Variants in SNPH observed in about 807,000 individuals in gnomAD.
SNPH encodes the protein syntaphilin.
Under a neutral mutation model 36.8 loss-of-function variants are expected in SNPH, and 10 were observed. That is an observed-to-expected ratio of 0.27 (90% CI 0.17 to 0.46). SNPH has a LOEUF of 0.46. Among genes scored for constraint, SNPH ranks in the 20% least tolerant of loss-of-function variants. SNPH has a pLI of 1.00. For synonymous variants in SNPH, 281 were observed against 312.2 expected (o/e 0.90, Z 1.05); for missense variants, 622 against 744.0 (o/e 0.84, Z 1.91).
intron 5 of SNPH, among the ~76,000 whole-genome samples, chr20:1,298,455 AC>A (rs1163285923): frequency 6.6e-6 from 1 of 152,224 alleles, no homozygotes; most frequent in Non-Finnish European, 1.5e-5. Flanking sequence ...GATGGGTAAC[AC>A]CCATGTGCAG....
In SNPH at chr20:1,266,797, C is replaced by T. The variant is rs1207859086; in HGVS notation, c.-493+37C>T. The T allele has an allele frequency of 7.6e-7, 1 of 1,318,422 alleles. No homozygotes were observed. The highest frequency in any genetic ancestry group is 3.1e-5 in the East Asian group (1 of 31,868). 81.7% of individuals were successfully genotyped at this position (1,318,422 alleles called of 1,614,324 possible). On this transcript the variant is annotated intron_variant, in intron 2 of 6. Transcript: ENST00000381867. The surrounding 1 kb of genome is among the most constrained non-coding windows in gnomAD (Gnocchi z 6.0). Reference sequence around the variant, plus strand: ...GCGGCGGAGCGGGGAGCTGGCCCTGCGCTGCACCGCGGCAGGTGGGGGCCG... The same window carrying T: ...GCGGCGGAGCGGGGAGCTGGCCCTGTGCTGCACCGCGGCAGGTGGGGGCCG...
intron 2 of SNPH, among the ~76,000 whole-genome samples, chr20:1,284,006 G>A (rs1246760362): frequency 4.6e-5 from 7 of 152,132 alleles, no homozygotes; most frequent in South Asian, 2.1e-4. Flanking sequence ...ACCTCCCTTC[G>A]TTGTCATGGC....
intron 2 of SNPH, among the ~76,000 whole-genome samples, chr20:1,291,016 C>G (rs2088354391): frequency 6.6e-6 from 1 of 152,244 alleles, no homozygotes; most frequent in Middle Eastern, 3.2e-3. Context: ...AGAGGAGCCT[C>G]TTCAGGTGAA....
chr20:1,291,928 C>G (rs2088367108), intron 2 of SNPH, among the ~76,000 whole-genome samples: 1 of 152,158 alleles, frequency 6.6e-6, no homozygotes, highest in Non-Finnish European at 1.5e-5. Context: ...TATGTGGAAA[C>G]TGAGACCCGA....
At chr20:1,295,428 G>A (rs2088416972) in intron 3 of SNPH, among the ~76,000 whole-genome samples, 1 of 152,164 alleles carries the variant, frequency 6.6e-6, no homozygotes, top group Non-Finnish European at 1.5e-5. Flanking sequence ...CTCTAGGCAC[G>A]AACGCTTCCT....
At chr20:1,292,781 C>T (rs2088378500) in intron 2 of SNPH, among the ~76,000 whole-genome samples, 1 of 152,224 alleles carries the variant, frequency 6.6e-6, no homozygotes, top group Non-Finnish European at 1.5e-5. Flanking sequence ...CCAGCTGTCA[C>T]TCACTGCCTG....
chr20:1,302,765 C>G (rs1248476836), intron 6 of SNPH, among the ~76,000 whole-genome samples: 1 of 152,248 alleles, frequency 6.6e-6, no homozygotes, highest in East Asian at 1.9e-4. Context: ...ACAGCTCTGC[C>G]AAGCAGCCAA....
chr20:1,291,155 T>C (rs989678166), intron 2 of SNPH, among the ~76,000 whole-genome samples: 1 of 152,172 alleles, frequency 6.6e-6, no homozygotes, highest in Non-Finnish European at 1.5e-5. Flanking sequence ...ACACATCCTG[T>C]GTAGCAGCTG....
intron 6 of SNPH, among the ~76,000 whole-genome samples, chr20:1,302,761 C>G (rs527937822): frequency 6.6e-6 from 1 of 152,382 alleles, no homozygotes; most frequent in South Asian, 2.1e-4. Context: ...GACCACAGCT[C>G]TGCCAAGCAG....
chr20:1,271,106 G>C (rs1431526211), intron 2 of SNPH, among the ~76,000 whole-genome samples: 1 of 152,200 alleles, frequency 6.6e-6, no homozygotes, highest in East Asian at 1.9e-4. Flanking sequence ...TCTGAATTGA[G>C]GGGCTGAGCC....
At chr20:1,277,286 C>G (rs1349542346) in intron 2 of SNPH, among the ~76,000 whole-genome samples, 1 of 152,156 alleles carries the variant, frequency 6.6e-6, no homozygotes, top group Non-Finnish European at 1.5e-5. Context: ...TTTGGTGTCC[C>G]TATCAGATGG....
At chr20:1,275,466 T>C (rs535252998) in intron 2 of SNPH, among the ~76,000 whole-genome samples, 1 of 152,308 alleles carries the variant, frequency 6.6e-6, no homozygotes, top group African/African-American at 2.4e-5. Flanking sequence ...TATGTGACCT[T>C]ATAGCATCTT....
chr20:1,267,272 C>T (rs981735517), intron 2 of SNPH, among the ~76,000 whole-genome samples: 4 of 152,080 alleles, frequency 2.6e-5, no homozygotes, highest in South Asian at 2.1e-4. Flanking sequence ...TCTGAGCCTC[C>T]GTCTCCCCGG....
intron 2 of SNPH, among the ~76,000 whole-genome samples, chr20:1,289,512 T>TACACACACAC (rs56289024): frequency 5.1e-4 from 70 of 137,746 alleles, no homozygotes; most frequent in African/African-American, 1.5e-3. Flanking sequence ...TTCATTTAAA[T>TACACACACAC]ACACACACAC....
At position 1,296,281 on chromosome 20, in the gene SNPH, C is replaced by A; in HGVS notation, c.42C>A (p.Gly14=). The change falls in exon 4 of 7, where the codon GGC becomes GGA. Residue 14 remains glycine, a synonymous_variant. Coordinates refer to ENST00000381867, the MANE Select transcript of SNPH (RefSeq NM_001318234.2). Reference sequence around the variant, plus strand: ...CCAGCGAGAGGATGACGTGGCCTGGCCCGGCCCTTTCTGCGGGCCCCCCAA... The same window carrying A: ...CCAGCGAGAGGATGACGTGGCCTGGACCGGCCCTTTCTGCGGGCCCCCCAA... ...SGPSERMTWP[G]PALSAGPPTR... 1 of 1,568,848 alleles carries A rather than the reference C, an allele frequency of 6.4e-7. No individual in the cohort carries two copies. Among genetic ancestry groups the A allele is most frequent in the Admixed American group, 1.9e-5 (1 of 53,262 alleles).
In SNPH at chr20:1,306,142, T is replaced by G. The variant is rs1006269320; in HGVS notation, c.*88T>G. The stretch of plus-strand genomic sequence containing the variant: ...CCTCCCTTCTCCCATGGGCATCATC[T>G]TATTTATTTAGTTTTGGGTGTGGAA... On this transcript the variant is annotated 3_prime_UTR_variant, in exon 7 of 7. Coordinates refer to ENST00000381867, the MANE Select transcript of SNPH (RefSeq NM_001318234.2). The G allele has an allele frequency of 4.8e-5, 53 of 1,101,562 alleles. No individual in the cohort carries two copies. The highest frequency in any genetic ancestry group is 6.2e-5 in the Non-Finnish European group (51 of 818,762). The allele number at this position is 1,101,562 out of a possible 1,614,324, so 68.2% of individuals were successfully genotyped here.
intron 3 of SNPH, among the ~76,000 whole-genome samples, 184 bp from the exon 4 acceptor site, chr20:1,295,592 G>A (rs752220319): frequency 6.6e-6 from 1 of 152,262 alleles, no homozygotes; most frequent in Non-Finnish European, 1.5e-5. Flanking sequence ...CCTGTGTGCC[G>A]CATGGGTGCG....
At chr20:1,299,433 A>G (rs929971412) in intron 5 of SNPH, among the ~76,000 whole-genome samples, 2 of 152,198 alleles carry the variant, frequency 1.3e-5, no homozygotes, top group African/African-American at 4.8e-5. Flanking sequence ...GTTTGAGCAA[A>G]ACAACCAGCA....
rs2088012725 is a variant in SNPH at position 1,266,882 on chromosome 20, CGT to C, written c.-493+124_-493+125del. Reference sequence around the variant, plus strand: ...GGGCACCAGCCTAAGAGGGGTTAATCGTGACTCATTCTTACCCTCCCTTCATT... The same window carrying C: ...GGGCACCAGCCTAAGAGGGGTTAATCGACTCATTCTTACCCTCCCTTCATT... On this transcript the variant is annotated intron_variant, in intron 2 of 6. Coordinates refer to ENST00000381867, the MANE Select transcript of SNPH (RefSeq NM_001318234.2). This position sits in a 1 kb window ranked among gnomAD's most constrained non-coding sequence, Gnocchi z 6.0. The C allele has an allele frequency of 8.1e-7, 1 of 1,228,454 alleles. No individual in the cohort carries two copies. Among genetic ancestry groups the C allele is most frequent in the Admixed American group, 4.2e-5 (1 of 23,548 alleles). 76.1% of individuals were successfully genotyped at this position (1,228,454 alleles called of 1,614,324 possible). A position where few individuals can be genotyped will look rare whatever the true frequency, so the allele number is the denominator to read the frequency against.
Sources: gnomAD v4.1 joint callset for allele counts (sites outside exome capture counted in the v4.1 genomes callset) on GRCh38, gnomAD v4.1.1 for gene constraint, Gnocchi (gnomAD v3.1) non-coding constraint, MANE v1.5 for transcripts, NCBI Gene and HGNC (gene_info 2026-07-23, HGNC 2026-07-21) for gene names.